Variants in STRBP observed in about 807,000 individuals in gnomAD.
STRBP encodes spermatid perinuclear RNA-binding protein.
In STRBP, 13 loss-of-function variants were observed where a neutral mutation model predicts 80.1. That is an observed-to-expected ratio of 0.16 (90% CI 0.11 to 0.26). STRBP has a LOEUF of 0.26. Ranked by LOEUF, STRBP falls within the 10% of genes least tolerant of loss-of-function variation. The probability of loss-of-function intolerance (pLI) is 1.00; values close to 1 mark genes in which losing one functional copy is unlikely to be tolerated. For synonymous variants in STRBP, 284 were observed against 291.2 expected (o/e 0.98, Z 0.25); for missense variants, 485 against 815.2 (o/e 0.59, Z 4.93).
chr9:123,159,292 A>G, intron 8 of STRBP, 85 bp from the exon 9 acceptor site: 2 of 861,804 alleles, frequency 2.3e-6, no homozygotes, highest in Admixed American at 2.5e-5. Context: ...TTCTATCTAC[A>G]AGGGAGGCCA....
At chr9:123,215,392 A>G (rs1453109821) in intron 2 of STRBP, among the ~76,000 whole-genome samples, 1 of 152,236 alleles carries the variant, frequency 6.6e-6, no homozygotes, top group African/African-American at 2.4e-5. Context: ...CCCAATCATT[A>G]CAGCCACTCT....
chr9:123,142,745 T>A (rs1435110604), intron 13 of STRBP, among the ~76,000 whole-genome samples: 2 of 149,308 alleles, frequency 1.3e-5, no homozygotes, highest in Middle Eastern at 3.4e-3. Flanking sequence ...ATAACACACT[T>A]TTTTTTTTTT....
At chr9:123,254,054 G>A (rs2040970864) in intron 1 of STRBP, among the ~76,000 whole-genome samples, 1 of 121,464 alleles carries the variant, frequency 8.2e-6, no homozygotes, top group Non-Finnish European at 2.0e-5. Context: ...AAGGAACGAG[G>A]GGGAAAAAAT....
chr9:123,179,018 T>C lies in STRBP; in HGVS notation c.213A>G (p.Glu71=), dbSNP rs2038342092. Residue 71 remains glutamate, a synonymous_variant, in exon 4 of 19, where the codon GAA becomes GAG. Coordinates refer to ENST00000348403, the MANE Select transcript of STRBP (RefSeq NM_018387.5). ...ETEVKKDEAG[E]NYSKDQGGRT... is the part of the protein sequence containing the mutation. ...CAGTCCACACTCACTTGGAATAGTT[T>C]TCTCCGGCCTCATCTTTCTTCACTT... 6.2e-7 allele frequency: 1 copy of C among 1,613,988 alleles called. No individual in the cohort carries two copies. Among genetic ancestry groups the C allele is most frequent in the South Asian group, 1.1e-5 (1 of 91,076 alleles).
At chr9:123,254,933 C>T (rs1251504033) in intron 1 of STRBP, among the ~76,000 whole-genome samples, 2 of 152,050 alleles carry the variant, frequency 1.3e-5, no homozygotes, top group African/African-American at 4.8e-5. Flanking sequence ...TAAACGTAGC[C>T]GGTGAATTGC....
At chr9:123,238,708 A>C (rs1489990667) in intron 1 of STRBP, among the ~76,000 whole-genome samples, 2 of 152,228 alleles carry the variant, frequency 1.3e-5, no homozygotes, top group African/African-American at 2.4e-5. Context: ...AAGGGAGACT[A>C]CCCAAGGAAA....
chr9:123,157,733 G>C (rs1264364030), intron 11 of STRBP, among the ~76,000 whole-genome samples: 1 of 151,934 alleles, frequency 6.6e-6, no homozygotes, highest in African/African-American at 2.4e-5. Context: ...CAGATCCTGT[G>C]AGAACTCACT....
chr9:123,237,565 CAAG>C (rs1164880219), intron 1 of STRBP, among the ~76,000 whole-genome samples: 3 of 151,754 alleles, frequency 2.0e-5, no homozygotes, highest in Admixed American at 2.0e-4. Context: ...GTGCTTCCAA[CAAG>C]AACAACCTTG....
intron 2 of STRBP, among the ~76,000 whole-genome samples, chr9:123,190,771 G>A (rs1019423902): frequency 6.6e-6 from 1 of 152,204 alleles, no homozygotes; most frequent in South Asian, 2.1e-4. Context: ...TACTGTCAGT[G>A]AGCAAAATGG....
At chr9:123,128,179 GCT>G in intron 18 of STRBP, 33 bp downstream of exon 18, 2 of 1,612,276 alleles carry the variant, frequency 1.2e-6, no homozygotes, top group South Asian at 2.2e-5. Context: ...TGTGACAGTC[GCT>G]AAGAGGAGAT....
At chr9:123,241,397 T>C (rs1421614206) in intron 1 of STRBP, among the ~76,000 whole-genome samples, 1 of 151,968 alleles carries the variant, frequency 6.6e-6, no homozygotes, top group Non-Finnish European at 1.5e-5. Context: ...CGATCCCAGC[T>C]ACTCAAGAGG....
chr9:123,265,379 A>C (rs2041245677), intron 1 of STRBP, among the ~76,000 whole-genome samples: 1 of 152,190 alleles, frequency 6.6e-6, no homozygotes, highest in Non-Finnish European at 1.5e-5. Flanking sequence ...AAAGCTCCCA[A>C]GCTACCAAAG....
At chr9:123,229,891 G>A (rs2040351148) in intron 2 of STRBP, among the ~76,000 whole-genome samples, 1 of 152,162 alleles carries the variant, frequency 6.6e-6, no homozygotes, top group Non-Finnish European at 1.5e-5. Context: ...TCAAGGTTAT[G>A]AATTTTAAAA....
Position 123,161,018 on chromosome 9 carries a change from G to C in STRBP, c.586C>G (p.Leu196Val). 1 of 1,594,662 alleles carries C rather than the reference G, an allele frequency of 6.3e-7. No individual in the cohort carries two copies. The highest frequency in any genetic ancestry group is 8.5e-7 in the Non-Finnish European group (1 of 1,174,694). The change falls in exon 7 of 19, where the codon CTG becomes GTG. Residue 196 changes from leucine to valine, a missense_variant. By Grantham distance (32) the Leu-to-Val change is conservative. This residue lies in a region of STRBP where 377 missense variants were observed against 616.1 expected (regional missense o/e 0.61). Transcript: ENST00000348403. ...PPDLLDRQKC[L>V]NALASLRHAK... ...TGTCGAAGAGACGCCAAGGCGTTCA[G>C]GCATTTCTGCCTGTCCAATAAGTCC...
intron 2 of STRBP, among the ~76,000 whole-genome samples, chr9:123,231,262 C>T (rs1307769234): frequency 1.3e-5 from 2 of 152,172 alleles, no homozygotes; most frequent in Non-Finnish European, 2.9e-5. Context: ...TATTGCACTT[C>T]CAATTTTACT....
rs769542943 is a variant in STRBP at position 123,115,379 on chromosome 9, G to C, written c.*84+550C>G. On this transcript the variant is annotated intron_variant and NMD_transcript_variant, in intron 3 of 3. Transcript: ENST00000471564. This position sits in a 1 kb window ranked among gnomAD's most constrained non-coding sequence, Gnocchi z 5.0. ...AACGGGCCTGCCAGCGCCCAGCCCA[G>C]GGCTGGCAAGGAGGATCCCTAGCAG... 1 of 471,104 alleles carries C rather than the reference G, an allele frequency of 2.1e-6. No homozygotes were observed. The highest frequency in any genetic ancestry group is 3.2e-4 in the Middle Eastern group (1 of 3,078). 29.2% of individuals were successfully genotyped at this position (471,104 alleles called of 1,614,324 possible). A position where few individuals can be genotyped will look rare whatever the true frequency, so the allele number is the denominator to read the frequency against.
intron 1 of STRBP, among the ~76,000 whole-genome samples, chr9:123,243,802 AT>A (rs1375638770): frequency 1.3e-5 from 2 of 152,248 alleles, no homozygotes. Flanking sequence ...AATGGTTAAA[AT>A]AAAAAATAAT....
rs1025854944 is a variant in STRBP, at chr9:123,133,904, A to G, written c.1774-936T>C. Among the ~76,000 whole-genome samples, 2 of 152,296 alleles carry G rather than the reference A, an allele frequency of 1.3e-5. 1 individual carries two copies. The highest frequency in any genetic ancestry group is 4.1e-4 in the South Asian group (2 of 4,826). ...TTCTTTCTCTAAAATGCCATAATCT[A>G]TGGAAATCTCCCCACTAATTAAAAA... On this transcript the variant is annotated intron_variant, in intron 16 of 18. Transcript: ENST00000348403.
intron 1 of STRBP, among the ~76,000 whole-genome samples, chr9:123,248,766 C>A (rs1173721918): frequency 1.3e-5 from 2 of 152,144 alleles, no homozygotes; most frequent in African/African-American, 4.8e-5. Context: ...TGTACTTTCC[C>A]ATAATAAAGA....
Sources: gnomAD v4.1 joint callset for allele counts (sites outside exome capture counted in the v4.1 genomes callset) on GRCh38, gnomAD v4.1.1 for gene constraint, gnomAD v4.1.1 regional missense constraint, Gnocchi (gnomAD v3.1) non-coding constraint, MANE v1.5 for transcripts, NCBI Gene and HGNC (gene_info 2026-07-23, HGNC 2026-07-21) for gene names.